The following PTPRN2 variants were observed in gnomAD, a reference collection of about 807,000 sequenced individuals.
PTPRN2 encodes the protein receptor-type tyrosine-protein phosphatase N2.
In PTPRN2, 74 loss-of-function variants were observed where a neutral mutation model predicts 118.8. The observed-to-expected ratio is 0.62, with a 90% CI of 0.52 to 0.76. PTPRN2 has a LOEUF of 0.76. PTPRN2 is among the 30% of genes least tolerant of loss of function. PTPRN2 has a pLI of 0.00. For missense variants in PTPRN2, 1,481 were observed against 1,394.4 expected (o/e 1.06, Z -0.99); for synonymous variants, 641 against 608.0 (o/e 1.05, Z -0.80).
chr7:157,809,892 G>T (rs1805875572), intron 12 of PTPRN2, among the ~76,000 whole-genome samples: 1 of 152,200 alleles, frequency 6.6e-6, no homozygotes, highest in Admixed American at 6.5e-5. Flanking sequence ...CTGCCCATGG[G>T]ATGGACTTGC....
rs75917522 is a variant in PTPRN2 at position 157,714,234 on chromosome 7, T to G, written c.1789-31297A>C. 4.8e-3 allele frequency among the ~76,000 whole-genome samples: 728 copies of G among 152,362 alleles called. 4 individuals are homozygous for G. Among genetic ancestry groups the G allele is most frequent in the African/African-American group, 0.016 (679 of 41,590 alleles). ...TTTAAACCTGTGTGCATCACTGAGTTTGACAGACACAGTGTATGGATGCCA... is the reference window on the plus strand; with the variant it reads ...TTTAAACCTGTGTGCATCACTGAGTGTGACAGACACAGTGTATGGATGCCA... On this transcript the variant is annotated intron_variant, in intron 12 of 22. Transcript: ENST00000389418.
At chr7:158,016,719 G>A (rs970612933) in intron 11 of PTPRN2, among the ~76,000 whole-genome samples, 5 of 152,240 alleles carry the variant, frequency 3.3e-5, no homozygotes, top group Non-Finnish European at 7.3e-5. Context: ...GCCAATTAAC[G>A]TGGAGAGAAT....
intron 12 of PTPRN2, among the ~76,000 whole-genome samples, chr7:157,896,477 C>T (rs1367832114): frequency 2.0e-4 from 31 of 151,676 alleles, no homozygotes; most frequent in African/African-American, 6.5e-4. Flanking sequence ...GAGTGGGGAG[C>T]CAGGGAGGTG....
intron 2 of PTPRN2, among the ~76,000 whole-genome samples, chr7:158,483,383 C>T (rs1820780741): frequency 6.6e-6 from 1 of 152,214 alleles, no homozygotes; most frequent in South Asian, 2.1e-4. Flanking sequence ...TAAATAATTT[C>T]CCACTGATAG....
chr7:157,776,823 CTCTCCTCCCTCTCTT>C (rs1563097708), intron 12 of PTPRN2, among the ~76,000 whole-genome samples: 3 of 5,454 alleles, frequency 5.5e-4, no homozygotes, highest in Non-Finnish European at 4.8e-4. Flanking sequence ...TTCCTCCTCC[CTCTCCTCCCTCTCTT>C]CCTCCTCCCT....
At chr7:158,457,856 A>C (rs1397562726) in intron 2 of PTPRN2, among the ~76,000 whole-genome samples, 1 of 152,208 alleles carries the variant, frequency 6.6e-6, no homozygotes, top group Non-Finnish European at 1.5e-5. Context: ...GGAGAGTCGC[A>C]GTAAAGCCAC....
chr7:158,490,823 G>T (rs992774495), intron 1 of PTPRN2, among the ~76,000 whole-genome samples: 4 of 152,202 alleles, frequency 2.6e-5, no homozygotes, highest in Admixed American at 2.6e-4. Context: ...CGTCCTTTTC[G>T]GGACTCGCCA....
rs75999782 is a variant in PTPRN2, at chr7:158,559,519, C to T, written c.112+28039G>A. On this transcript the variant is annotated intron_variant, in intron 1 of 22. Coordinates refer to ENST00000389418, the MANE Select transcript of PTPRN2 (RefSeq NM_002847.5). ...CCAATGCAAATAACGACTGTCCCAT[C>T]GCAGGGTGCAGAGGAGATAGGCTGT... 9.7e-4 allele frequency among the ~76,000 whole-genome samples: 148 copies of T among 152,312 alleles called. No individual in the cohort carries two copies. In the East Asian group the frequency reaches 0.025, roughly 26 times the overall value.
In PTPRN2 at chr7:157,674,079, T is replaced by A. The variant is rs926096660; in HGVS notation, c.2001+8646A>T. ...GCCCACCCAGACCCAAGGTGTCCAA[T>A]CCTTAGGGGTGACCCTCGGGCCAAC... On this transcript the variant is annotated intron_variant, in intron 13 of 22. Coordinates refer to ENST00000389418, the MANE Select transcript of PTPRN2 (RefSeq NM_002847.5). This position sits in a 1 kb window ranked among gnomAD's most constrained non-coding sequence, Gnocchi z 4.5. Among the ~76,000 whole-genome samples the A allele has an allele frequency of 2.0e-5, 3 of 151,910 alleles. No individual in the cohort carries two copies. The highest frequency in any genetic ancestry group is 7.3e-5 in the African/African-American group (3 of 41,356).
chr7:158,203,135 G>A (rs890166157), intron 4 of PTPRN2, among the ~76,000 whole-genome samples: 4 of 149,062 alleles, frequency 2.7e-5, no homozygotes, highest in African/African-American at 7.4e-5. Context: ...AGGAGGCTGA[G>A]GCAAGAGAAT....
chr7:158,440,886 G>A lies in PTPRN2; in HGVS notation c.163+48849C>T. On this transcript the variant is annotated intron_variant, in intron 2 of 22. Coordinates refer to ENST00000389418, the MANE Select transcript of PTPRN2 (RefSeq NM_002847.5). ...GGGCAGTGGTATTGGTGGTGGTGGTGAAGGTGGTGGTGGTGACGGTGATGA... is the reference window on the plus strand; with the variant it reads ...GGGCAGTGGTATTGGTGGTGGTGGTAAAGGTGGTGGTGGTGACGGTGATGA... 2.0e-5 allele frequency among the ~76,000 whole-genome samples: 3 copies of A among 147,156 alleles called. 1 individual carries two copies. The highest frequency in any genetic ancestry group is 7.8e-5 in the African/African-American group (3 of 38,352).
At chr7:158,554,730 G>A (rs1192185087) in intron 1 of PTPRN2, among the ~76,000 whole-genome samples, 2 of 152,138 alleles carry the variant, frequency 1.3e-5, no homozygotes, top group African/African-American at 4.8e-5. Context: ...CCTGCTGCTG[G>A]CCAGGCCCTT....
At chr7:157,717,103 A>G (rs1474530311) in intron 12 of PTPRN2, among the ~76,000 whole-genome samples, 1 of 152,234 alleles carries the variant, frequency 6.6e-6, no homozygotes, top group Non-Finnish European at 1.5e-5. Flanking sequence ...CTCTGCAGGA[A>G]CACTGCTGTT....
At chr7:158,023,015 G>C (rs1807012853) in intron 11 of PTPRN2, among the ~76,000 whole-genome samples, 1 of 152,194 alleles carries the variant, frequency 6.6e-6, no homozygotes, top group African/African-American at 2.4e-5. Context: ...AAAGGGCTTT[G>C]TTTTCAGTGT....
At chr7:157,747,598 C>T (rs376189764) in intron 12 of PTPRN2, among the ~76,000 whole-genome samples, 3 of 84,722 alleles carry the variant, frequency 3.5e-5, no homozygotes, top group East Asian at 4.6e-4. Flanking sequence ...GTGGGGTGTC[C>T]GGGTGATTCT....
chr7:157,692,206 C>G (rs551306313), intron 12 of PTPRN2, among the ~76,000 whole-genome samples: 68 of 152,144 alleles, frequency 4.5e-4, no homozygotes, highest in Non-Finnish European at 6.9e-4. Flanking sequence ...GACGGCGGCC[C>G]GCGCCACTCG....
At chr7:157,656,572 G>A in intron 13 of PTPRN2, 21 bp from the exon 14 acceptor site, 8 of 1,518,460 alleles carry the variant, frequency 5.3e-6, no homozygotes, top group Non-Finnish European at 5.3e-6. Context: ...GGGGGAGGAA[G>A]AGCAGGGGGT....
rs1012269667 is a variant in PTPRN2, at chr7:157,953,331, C to T, written c.1724-54594G>A. On this transcript the variant is annotated intron_variant, in intron 11 of 22. Transcript: ENST00000389418. This position sits in a 1 kb window ranked among gnomAD's most constrained non-coding sequence, Gnocchi z 4.6. The stretch of plus-strand genomic sequence containing the variant: ...AGTGCACGAGGCAGATGGATGGAGA[C>T]GTGGGAGCAGGGGCTGGCAGCACTC... Among the ~76,000 whole-genome samples the T allele has an allele frequency of 2.6e-5, 4 of 152,064 alleles. No homozygotes were observed. The highest frequency in any genetic ancestry group is 2.1e-4 in the South Asian group (1 of 4,818).
At chr7:157,927,835 T>C (rs1160618196) in intron 11 of PTPRN2, among the ~76,000 whole-genome samples, 1 of 152,096 alleles carries the variant, frequency 6.6e-6, no homozygotes, top group Non-Finnish European at 1.5e-5. Flanking sequence ...CTGAGCAGAC[T>C]GGGATGTTTA....
Sources: gnomAD v4.1 joint callset for allele counts (sites outside exome capture counted in the v4.1 genomes callset) on GRCh38, gnomAD v4.1.1 for gene constraint, Gnocchi (gnomAD v3.1) non-coding constraint, MANE v1.5 for transcripts, NCBI Gene and HGNC (gene_info 2026-07-23, HGNC 2026-07-21) for gene names.